Variants in PTPRN2 observed in about 807,000 individuals in gnomAD.
PTPRN2 encodes receptor-type tyrosine-protein phosphatase N2.
Under a neutral mutation model 118.8 loss-of-function variants are expected in PTPRN2, and 74 were observed. The ratio of observed to expected loss-of-function variants is 0.62; its 90% confidence interval spans 0.52 to 0.76. The LOEUF (loss-of-function observed/expected upper bound fraction) is 0.76, where lower values mean the gene tolerates loss of function less well. PTPRN2 is among the 30% of genes least tolerant of loss of function. The pLI is 0.00. For missense variants in PTPRN2, 1,481 were observed against 1,394.4 expected (o/e 1.06, Z -0.99); for synonymous variants, 641 against 608.0 (o/e 1.05, Z -0.80).
At chr7:158,071,282 GGTGGTGGAGGTGCTC>G (rs1409164461) in intron 11 of PTPRN2, among the ~76,000 whole-genome samples, 2 of 58,092 alleles carry the variant, frequency 3.4e-5, no homozygotes, top group Non-Finnish European at 6.0e-5. Context: ...AGGTGCCCGT[GGTGGTGGAGGTGCTC>G]GTGGTGGAGG....
At chr7:157,641,722 C>T (rs1804677617) in intron 14 of PTPRN2, among the ~76,000 whole-genome samples, 1 of 152,206 alleles carries the variant, frequency 6.6e-6, no homozygotes. Flanking sequence ...AGTCAGGACC[C>T]ACTCAGTCCC....
intron 1 of PTPRN2, among the ~76,000 whole-genome samples, chr7:158,507,749 G>C (rs1201902450): frequency 1.3e-5 from 2 of 151,420 alleles, no homozygotes; most frequent in Non-Finnish European, 2.9e-5. Flanking sequence ...CCCCATGCTA[G>C]GCAGGAAATT....
At chr7:158,084,367 T>G (rs1585381196) in intron 10 of PTPRN2, among the ~76,000 whole-genome samples, 1 of 144,204 alleles carries the variant, frequency 6.9e-6, no homozygotes, top group Non-Finnish European at 1.5e-5. Context: ...GGGTAGGGAG[T>G]GAGGTCAGCC....
chr7:157,879,188 C>T (rs903848311), intron 12 of PTPRN2, among the ~76,000 whole-genome samples: 6 of 136,526 alleles, frequency 4.4e-5, no homozygotes, highest in East Asian at 4.5e-4. Flanking sequence ...ACTTACTCAC[C>T]GAGGAGCTCT....
intron 13 of PTPRN2, among the ~76,000 whole-genome samples, chr7:157,656,928 C>T (rs1320989230): frequency 1.5e-5 from 2 of 135,594 alleles, no homozygotes; most frequent in African/African-American, 5.5e-5. Context: ...ACACACGCCA[C>T]ACACACACAC....
intron 2 of PTPRN2, among the ~76,000 whole-genome samples, chr7:158,425,373 T>A (rs10236759): frequency 5.8e-3 from 99 of 17,158 alleles, no homozygotes; most frequent in African/African-American, 0.019. Flanking sequence ...GGTGTCCGAG[T>A]CCAGCCTAGC....
At chr7:158,523,678 C>T (rs1239777068) in intron 1 of PTPRN2, among the ~76,000 whole-genome samples, 1,867 of 83,354 alleles carry the variant, frequency 0.022, no homozygotes, top group East Asian at 0.041. Context: ...TGCCCTGGAG[C>T]GGAGTCGTCT....
At chr7:158,271,117 A>ACCCCCTCCACCTGGACCG (rs1798488590) in intron 3 of PTPRN2, among the ~76,000 whole-genome samples, 4 of 98,132 alleles carry the variant, frequency 4.1e-5, no homozygotes, top group Non-Finnish European at 8.7e-5. Context: ...CACCTGGACC[A>ACCCCCTCCACCTGGACCG]CCCCCTCCAC....
chr7:158,493,295 A>G (rs956335523), intron 1 of PTPRN2, among the ~76,000 whole-genome samples: 5 of 152,076 alleles, frequency 3.3e-5, no homozygotes, highest in Non-Finnish European at 5.9e-5. Context: ...GCACACTCAT[A>G]CATGCATGCA....
chr7:158,536,464 C>T (rs1563409410), intron 1 of PTPRN2, among the ~76,000 whole-genome samples: 1 of 151,776 alleles, frequency 6.6e-6, no homozygotes. Context: ...CTTTCCAGCC[C>T]GCCATTGACA....
At chr7:157,626,457 G>A (rs1803573979) in intron 14 of PTPRN2, among the ~76,000 whole-genome samples, 1 of 152,258 alleles carries the variant, frequency 6.6e-6, no homozygotes, top group Non-Finnish European at 1.5e-5. Flanking sequence ...ACTTCAAGGT[G>A]CAGTTCAGAC....
chr7:158,353,135 C>T (rs1223840271), intron 2 of PTPRN2, among the ~76,000 whole-genome samples: 2 of 152,248 alleles, frequency 1.3e-5, no homozygotes, highest in Non-Finnish European at 2.9e-5. Context: ...CTGAGGTCCT[C>T]CACAGCCGTG....
rs1267263520 is a variant in PTPRN2, at chr7:157,787,587, A to T, written c.1789-104650T>A. Among the ~76,000 whole-genome samples the T allele has an allele frequency of 6.6e-6, 1 of 151,968 alleles. No individual in the cohort carries two copies. Among genetic ancestry groups the T allele is most frequent in the Non-Finnish European group, 1.5e-5 (1 of 67,972 alleles). ...ATGTCTTGTAGGCGACCCCACAGAGAGAGAGGCAGAGGAGAGTGGCCGTGA... is the reference window on the plus strand; with the variant it reads ...ATGTCTTGTAGGCGACCCCACAGAGTGAGAGGCAGAGGAGAGTGGCCGTGA... On this transcript the variant is annotated intron_variant, in intron 12 of 22. Coordinates refer to ENST00000389418, the MANE Select transcript of PTPRN2 (RefSeq NM_002847.5). The surrounding 1 kb of genome is among the most constrained non-coding windows in gnomAD (Gnocchi z 5.3).
intron 11 of PTPRN2, among the ~76,000 whole-genome samples, chr7:158,061,112 G>A (rs901349950): frequency 2.8e-4 from 42 of 152,250 alleles, no homozygotes; most frequent in South Asian, 1.4e-3. Flanking sequence ...TCGCTCAGCT[G>A]CCGGCTCACT....
intron 11 of PTPRN2, among the ~76,000 whole-genome samples, chr7:157,922,239 C>T (rs1476727959): frequency 6.6e-6 from 1 of 152,180 alleles, no homozygotes; most frequent in African/African-American, 2.4e-5. Context: ...GGATTCTGTT[C>T]AACATCTTCA....
At chr7:158,045,736 C>T (rs561028468) in intron 11 of PTPRN2, among the ~76,000 whole-genome samples, 53 of 152,118 alleles carry the variant, frequency 3.5e-4, no homozygotes, top group Non-Finnish European at 5.3e-4. Context: ...TTGTTCTGTC[C>T]AGGAGCAGAA....
At chr7:158,186,306 A>G (rs7809921) in intron 5 of PTPRN2, among the ~76,000 whole-genome samples, 98,168 of 151,844 alleles carry the variant, frequency 0.65, 32,378 homozygotes, top group East Asian at 0.84. Flanking sequence ...CAGCTCTGGC[A>G]GATTTCTCCT....
chr7:158,036,143 G>C (rs1055363608), intron 11 of PTPRN2, among the ~76,000 whole-genome samples: 2 of 152,142 alleles, frequency 1.3e-5, no homozygotes, highest in Non-Finnish European at 2.9e-5. Flanking sequence ...AAATGAATTA[G>C]GGGCATAACA....
At chr7:157,717,069 A>G (rs7783172) in intron 12 of PTPRN2, among the ~76,000 whole-genome samples, 60,081 of 90,126 alleles carry the variant, frequency 0.67, 22,673 homozygotes, top group African/African-American at 0.88. Flanking sequence ...TAGACTCTGC[A>G]GGAACACTGC....
Sources: allele counts gnomAD v4.1 joint callset (sites outside exome capture counted in the v4.1 genomes callset), GRCh38; gene constraint gnomAD v4.1.1; non-coding constraint Gnocchi (gnomAD v3.1); transcripts MANE v1.5; gene names NCBI Gene and HGNC (gene_info 2026-07-23, HGNC 2026-07-21).